Variants in DIP2C observed in about 807,000 individuals in gnomAD.
The protein encoded by DIP2C is disco-interacting protein 2 homolog C.
A neutral mutation model predicts 192.4 loss-of-function variants in DIP2C; 33 were observed. The ratio of observed to expected loss-of-function variants is 0.17; its 90% CI spans 0.13 to 0.23. The LOEUF (loss-of-function observed/expected upper bound fraction) is 0.23, where lower values mean the gene tolerates loss of function less well. DIP2C is among the 10% of genes least tolerant of loss of function. DIP2C has a pLI of 1.00. For missense variants in DIP2C, 1,537 were observed against 2,110.1 expected, an observed-to-expected ratio of 0.73 and a Z score of 5.32; for synonymous variants, 979 against 864.1, an observed-to-expected ratio of 1.13 and a Z score of -2.33.
chr10:457,948 C>T (rs570716719), intron 3 of DIP2C, among the ~76,000 whole-genome samples: 156 of 152,360 alleles, frequency 1.0e-3, no homozygotes, highest in South Asian at 6.2e-3. Context: ...CAGAGCAGCA[C>T]GTGATGGGGA....
rs563899879 is a variant in DIP2C at position 446,721 on chromosome 10, G to C, written c.269-5725C>G. Among the ~76,000 whole-genome samples the C allele has an allele frequency of 5.7e-4, 87 of 152,304 alleles. No homozygotes were observed. The South Asian group carries it at 0.014, about 24-fold the overall frequency. ...GCATCAGCTCTCATTTTTCAGGAAG[G>C]GCCCTTATCAAACAGAGAAAGATCC... On this transcript the variant is annotated intron_variant, in intron 3 of 36. Coordinates refer to ENST00000280886, the MANE Select transcript of DIP2C (RefSeq NM_014974.3).
At chr10:465,003 T>C (rs1040563348) in intron 3 of DIP2C, among the ~76,000 whole-genome samples, 11 of 150,090 alleles carry the variant, frequency 7.3e-5, no homozygotes, top group South Asian at 2.2e-4. Flanking sequence ...TTCCAATCAA[T>C]AGAAAAAGAG....
chr10:416,848 T>C (rs936485659), intron 6 of DIP2C, among the ~76,000 whole-genome samples: 2 of 151,808 alleles, frequency 1.3e-5, no homozygotes, highest in African/African-American at 4.8e-5. Flanking sequence ...GGTGCAGGGG[T>C]CTCTGTAGGT....
chr10:645,828 T>C (rs763359590), intron 1 of DIP2C, among the ~76,000 whole-genome samples: 14 of 152,196 alleles, frequency 9.2e-5, no homozygotes, highest in Non-Finnish European at 1.6e-4. Flanking sequence ...AATGTAATAA[T>C]AGAGCAAACA....
intron 4 of DIP2C, among the ~76,000 whole-genome samples, chr10:436,678 C>T (rs1025927406): frequency 6.7e-5 from 10 of 149,912 alleles, no homozygotes; most frequent in East Asian, 6.0e-4. Context: ...CTCCAAGCTC[C>T]GCCTCCTGGA....
At chr10:361,726 T>G (rs111344643) in intron 22 of DIP2C, among the ~76,000 whole-genome samples, 3 of 152,142 alleles carry the variant, frequency 2.0e-5, no homozygotes, top group Non-Finnish European at 4.4e-5. Flanking sequence ...GGAGAGCAAC[T>G]GCCTCCGTGT....
chr10:345,358 T>C (rs947435555), intron 26 of DIP2C, among the ~76,000 whole-genome samples: 2 of 5,696 alleles, frequency 3.5e-4, no homozygotes, highest in Admixed American at 3.7e-3. Context: ...ATCCACAGCG[T>C]TGTGACATGT....
At chr10:580,472 A>G (rs17159703) in intron 1 of DIP2C, among the ~76,000 whole-genome samples, 12,811 of 152,174 alleles carry the variant, frequency 0.084, 875 homozygotes, top group African/African-American at 0.19. Flanking sequence ...CATATGCAGT[A>G]CAGATACATG....
At chr10:604,961 C>CG (rs1283671558) in intron 1 of DIP2C, among the ~76,000 whole-genome samples, 2 of 152,104 alleles carry the variant, frequency 1.3e-5, no homozygotes, top group African/African-American at 4.8e-5. Context: ...CCCAAGGGTG[C>CG]GGGGAAAAGG....
chr10:607,075 C>T (rs1330254680), intron 1 of DIP2C, among the ~76,000 whole-genome samples: 1 of 151,844 alleles, frequency 6.6e-6, no homozygotes, highest in Non-Finnish European at 1.5e-5. Context: ...CATGCCTGGG[C>T]CCAGCACGGC....
chr10:631,220 GTTAAT>G (rs1471310843), intron 1 of DIP2C: 3 of 152,232 alleles, frequency 2.0e-5, no homozygotes, highest in African/African-American at 7.2e-5. Context: ...TATTTTAATT[GTTAAT>G]TTAATTAAAA....
rs1954491967 is a variant in DIP2C at position 275,910 on chromosome 10, G to A, written c.*1415C>T. 6.6e-6 allele frequency: 1 copy of A among 152,224 alleles called. No individual in the cohort carries two copies. The highest frequency in any genetic ancestry group is 2.4e-5 in the African/African-American group (1 of 41,452). The allele number at this position is 152,224 out of a possible 1,614,324, so 9.4% of individuals were successfully genotyped here. ...ACCCCCGGGGAACTGTGCTCACTGA[G>A]CGAGGGAGCCCCAGAGGCTCACACA... On this transcript the variant is annotated 3_prime_UTR_variant, in exon 37 of 37. Coordinates refer to ENST00000280886, the MANE Select transcript of DIP2C (RefSeq NM_014974.3).
intron 1 of DIP2C, among the ~76,000 whole-genome samples, chr10:641,354 C>A (rs1855187298): frequency 6.6e-6 from 1 of 152,172 alleles, no homozygotes; most frequent in Admixed American, 6.5e-5. Flanking sequence ...TGCACTCAGA[C>A]CCCGCCAGGA....
At chr10:667,967 TCACAA>T (rs906876989) in intron 1 of DIP2C, 13 of 142,780 alleles carry the variant, frequency 9.1e-5, no homozygotes, top group African/African-American at 2.9e-4. Context: ...CACACGCAAC[TCACAA>T]CACAACATGC....
chr10:618,800 G>C (rs774995973), intron 1 of DIP2C, among the ~76,000 whole-genome samples: 7 of 152,166 alleles, frequency 4.6e-5, no homozygotes, highest in African/African-American at 1.7e-4. Flanking sequence ...GAGCCCTCCC[G>C]CACTGCTCAG....
At chr10:604,092 ACCCTCGTACT>A in intron 1 of DIP2C, among the ~76,000 whole-genome samples, 2 of 147,802 alleles carry the variant, frequency 1.4e-5, no homozygotes, top group South Asian at 4.4e-4. Context: ...TCTGAGGCAG[ACCCTCGTACT>A]CCCTCTCATC....
At chr10:499,687 A>AC (rs1845092225) in intron 1 of DIP2C, among the ~76,000 whole-genome samples, 3 of 152,120 alleles carry the variant, frequency 2.0e-5, no homozygotes, top group South Asian at 2.1e-4. Context: ...AGGGGAATCC[A>AC]CCCCCAGGAT....
intron 1 of DIP2C, among the ~76,000 whole-genome samples, chr10:501,228 TTAAA>T (rs1291262239): frequency 1.6e-4 from 24 of 152,212 alleles, no homozygotes; most frequent in Admixed American, 2.0e-4. Context: ...CACTAGCTAT[TTAAA>T]TAATAATGTT....
Position 546,619 on chromosome 10 carries a change from C to T in DIP2C, c.86-60089G>A, listed in dbSNP as rs1481276766. Among the ~76,000 whole-genome samples the T allele has an allele frequency of 2.0e-5, 3 of 152,250 alleles. No homozygotes were observed. In the East Asian group the frequency reaches 5.8e-4, roughly 29 times the overall value. On this transcript the variant is annotated intron_variant, in intron 1 of 36. Transcript: ENST00000280886. ...GTCACAAGCGGCACTTCCATGCAGG[C>T]TGTCTGCAACGCAGAGTCTGGACCC... is the stretch of plus-strand genomic sequence containing the variant.
Sources: gnomAD v4.1 joint callset for allele counts (sites outside exome capture counted in the v4.1 genomes callset) on GRCh38, gnomAD v4.1.1 for gene constraint, MANE v1.5 for transcripts, NCBI Gene and HGNC (gene_info 2026-07-23, HGNC 2026-07-21) for gene names.